CAMTA1: variants seen among roughly 807,000 people sequenced by gnomAD.
CAMTA1 encodes the protein calmodulin-binding transcription activator 1.
CAMTA1 carries 27 observed loss-of-function variants against 170.9 expected under a neutral mutation model. The ratio of observed to expected loss-of-function variants is 0.16; its 90% CI spans 0.12 to 0.22. The LOEUF (loss-of-function observed/expected upper bound fraction) is 0.22. Among genes scored for constraint, CAMTA1 ranks in the 10% least tolerant of loss-of-function variants. CAMTA1 has a pLI of 1.00. For missense variants in CAMTA1, 1,619 were observed against 2,217.2 expected, an observed-to-expected ratio of 0.73 and a Z score of 5.42; for synonymous variants, 833 against 891.5, an observed-to-expected ratio of 0.93 and a Z score of 1.17.
intron 5 of CAMTA1, among the ~76,000 whole-genome samples, chr1:7,375,300 C>T (rs913337251): frequency 6.6e-6 from 1 of 152,106 alleles, no homozygotes; most frequent in African/African-American, 2.4e-5. Flanking sequence ...GGGCCATTGT[C>T]CTCAGCTTCC....
At chr1:6,853,797 A>G (rs1213019190) in intron 3 of CAMTA1, among the ~76,000 whole-genome samples, 1 of 152,230 alleles carries the variant, frequency 6.6e-6, no homozygotes, top group Non-Finnish European at 1.5e-5. Context: ...TAGGGTAGAA[A>G]TAATTGCTTG....
At chr1:7,624,284 A>G (rs940832882) in intron 6 of CAMTA1, among the ~76,000 whole-genome samples, 6 of 152,224 alleles carry the variant, frequency 3.9e-5, no homozygotes, top group African/African-American at 1.2e-4. Flanking sequence ...AACCCTGCCT[A>G]TGCGATTTCT....
chr1:6,800,780 C>A (rs904921147), intron 1 of CAMTA1, among the ~76,000 whole-genome samples: 1 of 152,194 alleles, frequency 6.6e-6, no homozygotes, highest in Non-Finnish European at 1.5e-5. Context: ...TTCACTTGAA[C>A]CTGCTCCCTG....
chr1:7,151,530 G>A (rs1275554013), intron 4 of CAMTA1, among the ~76,000 whole-genome samples: 1 of 152,090 alleles, frequency 6.6e-6, no homozygotes, highest in Non-Finnish European at 1.5e-5. Context: ...CCTCCGAGAC[G>A]GGAGCTGCTT....
intron 5 of CAMTA1, among the ~76,000 whole-genome samples, chr1:7,271,936 C>A (rs1358514125): frequency 6.6e-6 from 1 of 151,932 alleles, no homozygotes; most frequent in Non-Finnish European, 1.5e-5. Flanking sequence ...TCCGAATAGA[C>A]CAAAAACAGA....
Position 7,680,955 on chromosome 1 carries a change from C to CG in CAMTA1, c.2914+3223dup, listed in dbSNP as rs1412140417. 6.6e-6 allele frequency among the ~76,000 whole-genome samples: 1 copy of CG among 151,680 alleles called. No individual in the cohort carries two copies. Among genetic ancestry groups the CG allele is most frequent in the Non-Finnish European group, 1.5e-5 (1 of 67,850 alleles). On this transcript the variant is annotated intron_variant, in intron 11 of 22. Transcript: ENST00000303635. The surrounding 1 kb of genome is among the most constrained non-coding windows in gnomAD (Gnocchi z 4.4). ...GGCGTAGCTTTTGTTTGCGCAGCCC[C>CG]GCCCTGCGGAGGGCGATCGTCCCCA...
chr1:7,593,770 C>T (rs147598889), intron 6 of CAMTA1, among the ~76,000 whole-genome samples: 2 of 148,690 alleles, frequency 1.3e-5, no homozygotes, highest in African/African-American at 2.5e-5. Flanking sequence ...AGATTACAGG[C>T]GTGAACCACT....
rs74982065 is a variant in CAMTA1, at chr1:7,055,639, G to C, written c.235-35665G>C. On this transcript the variant is annotated intron_variant, in intron 3 of 22. Coordinates refer to ENST00000303635, the MANE Select transcript of CAMTA1 (RefSeq NM_015215.4). ...CTGGATGGAGACCTGGCCTCGAGGT[G>C]GGTCACCTGAGTGTCCTGTGATACC... Among the ~76,000 whole-genome samples, 19 of 152,308 alleles carry C rather than the reference G, an allele frequency of 1.2e-4. No homozygotes were observed. In the East Asian group the frequency reaches 3.3e-3, roughly 26 times the overall value.
Position 6,976,935 on chromosome 1 carries a change from A to G in CAMTA1, c.235-114369A>G, listed in dbSNP as rs571041853. On this transcript the variant is annotated intron_variant, in intron 3 of 22. Coordinates refer to ENST00000303635, the MANE Select transcript of CAMTA1 (RefSeq NM_015215.4). ...AAAATCTGATGGTTTTATAAAGGGC[A>G]GTTCCCCTGCACATGATTTCTTGCC... Among the ~76,000 whole-genome samples the G allele has an allele frequency of 1.4e-3, 220 of 152,312 alleles. 1 individual carries two copies. The highest frequency in any genetic ancestry group is 2.6e-3 in the Non-Finnish European group (175 of 68,028).
chr1:7,077,938 G>A (rs1341806676), intron 3 of CAMTA1, among the ~76,000 whole-genome samples: 1 of 152,054 alleles, frequency 6.6e-6, no homozygotes, highest in Non-Finnish European at 1.5e-5. Context: ...GGTGTTAGTG[G>A]AGCTTTTCAG....
chr1:7,538,440 AG>A (rs1485024195), intron 6 of CAMTA1, among the ~76,000 whole-genome samples: 2 of 152,234 alleles, frequency 1.3e-5, no homozygotes, highest in East Asian at 3.9e-4. Flanking sequence ...ACTTGAGCCC[AG>A]GAGTTTTGAG....
intron 3 of CAMTA1, among the ~76,000 whole-genome samples, chr1:7,057,135 TG>T (rs1707461831): frequency 6.6e-6 from 1 of 152,114 alleles, no homozygotes; most frequent in Admixed American, 6.5e-5. Flanking sequence ...AGGCCTGAGA[TG>T]GGGGTCTGGG....
chr1:7,141,898 C>G (rs1451246936), intron 4 of CAMTA1, among the ~76,000 whole-genome samples: 1 of 152,198 alleles, frequency 6.6e-6, no homozygotes, highest in East Asian at 1.9e-4. Flanking sequence ...CATGCTCCTA[C>G]TTTTGCAGAA....
chr1:7,484,303 G>A (rs2093585595), intron 6 of CAMTA1, among the ~76,000 whole-genome samples: 1 of 152,186 alleles, frequency 6.6e-6, no homozygotes, highest in Non-Finnish European at 1.5e-5. Context: ...CAGGAGGCCT[G>A]GAAAGGGTTG....
intron 4 of CAMTA1, among the ~76,000 whole-genome samples, chr1:7,225,771 T>G (rs886876258): frequency 6.6e-6 from 1 of 152,174 alleles, no homozygotes; most frequent in African/African-American, 2.4e-5. Flanking sequence ...CCCTCGACAG[T>G]GGCATTTCCA....
chr1:7,655,796 C>A (rs1483653354), intron 7 of CAMTA1, among the ~76,000 whole-genome samples: 2 of 152,212 alleles, frequency 1.3e-5, no homozygotes, highest in Admixed American at 1.3e-4. Context: ...TACACACACA[C>A]GTGTGCAGTG....
At chr1:6,910,711 C>A (rs751704991) in intron 3 of CAMTA1, among the ~76,000 whole-genome samples, 1 of 152,150 alleles carries the variant, frequency 6.6e-6, no homozygotes, top group African/African-American at 2.4e-5. Context: ...GGGTCAGGAA[C>A]CCATGCTGAA....
chr1:6,980,266 T>A (rs1031488653), intron 3 of CAMTA1, among the ~76,000 whole-genome samples: 1 of 152,134 alleles, frequency 6.6e-6, no homozygotes, highest in Non-Finnish European at 1.5e-5. Context: ...TCTGCTACCA[T>A]TGGACATCCA....
intron 4 of CAMTA1, among the ~76,000 whole-genome samples, chr1:7,147,423 C>CA (rs59259023): frequency 7.9e-4 from 104 of 131,040 alleles, no homozygotes; most frequent in South Asian, 6.8e-3. Flanking sequence ...GACTCCGTCT[C>CA]AAAAAAAAAA....
Sources: gnomAD v4.1 joint callset for allele counts (sites outside exome capture counted in the v4.1 genomes callset) on GRCh38, gnomAD v4.1.1 for gene constraint, Gnocchi (gnomAD v3.1) non-coding constraint, MANE v1.5 for transcripts, NCBI Gene and HGNC (gene_info 2026-07-23, HGNC 2026-07-21) for gene names.